The following ROBO1 variants were observed in gnomAD, a reference collection of about 807,000 sequenced individuals.
The protein encoded by ROBO1 is roundabout homolog 1.
In ROBO1, 149 loss-of-function variants were observed where a neutral mutation model predicts 195.9. The ratio of observed to expected loss-of-function variants is 0.76; its 90% confidence interval spans 0.67 to 0.87. ROBO1 has a LOEUF of 0.87. Among genes scored for constraint, ROBO1 ranks in the 40% least tolerant of loss-of-function variants. ROBO1 has a pLI of 0.00. For missense variants in ROBO1, 1,933 were observed against 2,068.3 expected, an observed-to-expected ratio of 0.93 and a Z score of 1.27; for synonymous variants, 816 against 733.2, an observed-to-expected ratio of 1.11 and a Z score of -1.82.
At chr3:79,705,139 C>T (rs897647696) in intron 1 of ROBO1, among the ~76,000 whole-genome samples, 3 of 151,868 alleles carry the variant, frequency 2.0e-5, no homozygotes, top group South Asian at 2.1e-4. Context: ...CTTGTCTACT[C>T]GTTCTCTTGA....
rs375897144 is a variant in ROBO1, at chr3:78,717,838, C to T, written c.703G>A (p.Ala235Thr). ...LMITYTRKSD[A>T]GKYVCVGTNM... ...GTACCAACACAAACATATTTGCCAG[C>T]GTCACTTTTACGGGTGTAAGTGATC... Residue 235 changes from alanine to threonine, a missense_variant, in exon 6 of 31, where the codon GCT (alanine) becomes ACT (threonine). By Grantham distance (58) the Ala-to-Thr change is moderately conservative. Coordinates refer to ENST00000464233, the MANE Select transcript of ROBO1 (RefSeq NM_002941.4). 6.9e-5 allele frequency: 111 copies of T among 1,613,558 alleles called. No individual in the cohort carries two copies. Among genetic ancestry groups the T allele is most frequent in the Middle Eastern group, 3.3e-4 (2 of 6,084 alleles).
intron 4 of ROBO1, among the ~76,000 whole-genome samples, chr3:78,890,707 T>C (rs917950796): frequency 2.6e-5 from 4 of 152,216 alleles, no homozygotes; most frequent in Admixed American, 2.0e-4. Flanking sequence ...AAGATGGTTA[T>C]GTTCCTGTGC....
chr3:78,681,547 T>A (rs146499766), intron 10 of ROBO1, among the ~76,000 whole-genome samples: 24 of 152,144 alleles, frequency 1.6e-4, no homozygotes, highest in Non-Finnish European at 3.2e-4. Context: ...ATTTGAAGAG[T>A]TAGGGAATGC....
chr3:79,235,252 T>C (rs573411500), intron 2 of ROBO1, among the ~76,000 whole-genome samples: 5 of 152,304 alleles, frequency 3.3e-5, no homozygotes, highest in African/African-American at 7.2e-5. Context: ...TATTGAATAT[T>C]GAAATAACAT....
At chr3:78,857,109 T>G (rs1031685175) in intron 4 of ROBO1, among the ~76,000 whole-genome samples, 13 of 152,082 alleles carry the variant, frequency 8.5e-5, no homozygotes, top group African/African-American at 2.2e-4. Context: ...TTTATGACAT[T>G]TATTCACACA....
intron 8 of ROBO1, among the ~76,000 whole-genome samples, chr3:78,712,189 T>A (rs2081777283): frequency 6.6e-6 from 1 of 152,152 alleles, no homozygotes; most frequent in South Asian, 2.1e-4. Flanking sequence ...TGCCTTAACA[T>A]CAATGATCAA....
chr3:79,468,429 G>A (rs558505325), intron 2 of ROBO1, among the ~76,000 whole-genome samples: 1 of 152,120 alleles, frequency 6.6e-6, no homozygotes, highest in Non-Finnish European at 1.5e-5. Context: ...TTGAACAATC[G>A]GGTCAGAGGC....
chr3:79,244,159 T>G (rs1264465090), intron 2 of ROBO1, among the ~76,000 whole-genome samples: 1 of 152,106 alleles, frequency 6.6e-6, no homozygotes, highest in Non-Finnish European at 1.5e-5. Context: ...ATGTTCTTTC[T>G]ATCATATATT....
chr3:79,399,407 T>C (rs1308469639), intron 2 of ROBO1, among the ~76,000 whole-genome samples: 1 of 152,136 alleles, frequency 6.6e-6, no homozygotes, highest in Non-Finnish European at 1.5e-5. Flanking sequence ...CCCATAATCA[T>C]GCCAAGTACA....
intron 2 of ROBO1, among the ~76,000 whole-genome samples, chr3:79,238,285 A>G (rs1459301086): frequency 6.6e-6 from 1 of 152,208 alleles, no homozygotes; most frequent in East Asian, 1.9e-4. Flanking sequence ...TATAATAGAA[A>G]GGGTACTGAA....
rs113685024 is a variant in ROBO1 at position 78,663,330 on chromosome 3, GA to G, written c.1967-1217del. 9.4e-5 allele frequency among the ~76,000 whole-genome samples: 14 copies of G among 148,516 alleles called. 1 individual carries two copies. Among genetic ancestry groups the G allele is most frequent in the African/African-American group, 3.0e-4 (12 of 40,460 alleles). On this transcript the variant is annotated intron_variant, in intron 14 of 30. Transcript: ENST00000464233. ...AATTAAGCTGATAAATAAGCAAGAT[GA>G]AAAAAAAACAACTGGGATAATTCTG...
intron 3 of ROBO1, among the ~76,000 whole-genome samples, chr3:78,999,325 T>C (rs753901460): frequency 9.2e-5 from 14 of 152,036 alleles, no homozygotes; most frequent in Admixed American, 2.6e-4. Flanking sequence ...AACAGTAGAA[T>C]AGATAAATAA....
intron 2 of ROBO1, among the ~76,000 whole-genome samples, chr3:79,177,688 C>T (rs1263282612): frequency 3.9e-5 from 6 of 152,204 alleles, no homozygotes; most frequent in Non-Finnish European, 2.9e-5. Flanking sequence ...TTGAACATGG[C>T]ATAAGAGCAT....
rs573342215 is a variant in ROBO1 at position 79,024,873 on chromosome 3, ATATG to A, written c.173-85950_173-85947del. ...GCAGTATTCCTTACTGAGAAAGACC[ATATG>A]TTTAAGTCACTGCACTTCTAAGCTT... On this transcript the variant is annotated intron_variant, in intron 3 of 30. Coordinates refer to ENST00000464233, the MANE Select transcript of ROBO1 (RefSeq NM_002941.4). Among the ~76,000 whole-genome samples the A allele has an allele frequency of 6.8e-3, 1,035 of 152,302 alleles. 17 individuals carry two copies. Among genetic ancestry groups the A allele is most frequent in the African/African-American group, 0.023 (951 of 41,552 alleles).
At chr3:79,365,413 A>G (rs1375420970) in intron 2 of ROBO1, among the ~76,000 whole-genome samples, 1 of 152,104 alleles carries the variant, frequency 6.6e-6, no homozygotes, top group Non-Finnish European at 1.5e-5. Flanking sequence ...TCATAGCCCC[A>G]TGGGAACTCT....
chr3:79,019,244 A>T, intron 3 of ROBO1: 1 of 985,728 alleles, frequency 1.0e-6, no homozygotes, highest in Non-Finnish European at 1.2e-6. Context: ...CCCCTAAACT[A>T]CGCAGAAGCC....
At chr3:79,702,456 G>C (rs1264827835) in intron 1 of ROBO1, among the ~76,000 whole-genome samples, 1 of 151,740 alleles carries the variant, frequency 6.6e-6, no homozygotes, top group Non-Finnish European at 1.5e-5. Flanking sequence ...TCTTGTGCTG[G>C]TTATTTTCTG....
At chr3:78,929,677 A>AT (rs1192862260) in intron 4 of ROBO1, among the ~76,000 whole-genome samples, 1 of 150,934 alleles carries the variant, frequency 6.6e-6, no homozygotes, top group East Asian at 2.0e-4. Context: ...TAATTTTTGT[A>AT]TTTTTTTGTA....
At chr3:78,920,192 T>C (rs546909905) in intron 4 of ROBO1, among the ~76,000 whole-genome samples, 82 of 152,358 alleles carry the variant, frequency 5.4e-4, no homozygotes, top group African/African-American at 1.9e-3. Flanking sequence ...TTGTCTTACA[T>C]ACAAGATGAA....
Sources: allele counts gnomAD v4.1 joint callset (sites outside exome capture counted in the v4.1 genomes callset), GRCh38; gene constraint gnomAD v4.1.1; transcripts MANE v1.5; gene names NCBI Gene and HGNC (gene_info 2026-07-23, HGNC 2026-07-21).